Variants in ADAMTS2 observed in about 807,000 individuals in gnomAD.
ADAMTS2 encodes ADAM metallopeptidase with thrombospondin type 1 motif 2, also known as A disintegrin and metalloproteinase with thrombospondin motifs 2.
A neutral mutation model predicts 123.0 loss-of-function variants in ADAMTS2; 50 were observed. The ratio of observed to expected loss-of-function variants is 0.41; its 90% CI spans 0.32 to 0.51. The LOEUF (loss-of-function observed/expected upper bound fraction) is 0.51, where lower values mean the gene tolerates loss of function less well. Ranked by LOEUF, ADAMTS2 falls within the 20% of genes least tolerant of loss-of-function variation. ADAMTS2 has a pLI of 0.35. For synonymous variants in ADAMTS2, 678 were observed against 695.4 expected, an observed-to-expected ratio of 0.98 and a Z score of 0.39; for missense variants, 1,494 against 1,705.2, an observed-to-expected ratio of 0.88 and a Z score of 2.18.
At chr5:179,249,891 A>G (rs1765880456) in intron 3 of ADAMTS2, among the ~76,000 whole-genome samples, 1 of 152,224 alleles carries the variant, frequency 6.6e-6, no homozygotes, top group African/African-American at 2.4e-5. Flanking sequence ...AAACATCATA[A>G]GAAAACTACA....
chr5:179,137,720 C>CA, intron 12 of ADAMTS2, 49 bp downstream of exon 12: 2 of 1,515,216 alleles, frequency 1.3e-6, no homozygotes, highest in Non-Finnish European at 1.8e-6. Context: ...CCTGCCCACC[C>CA]TAGGGCCTGC....
chr5:179,218,801 A>G (rs466752), intron 3 of ADAMTS2, among the ~76,000 whole-genome samples: 95,057 of 152,072 alleles, frequency 0.63, 30,939 homozygotes, highest in African/African-American at 0.76. Context: ...AGCCTCAGCC[A>G]TGCTTCAGGG....
rs1260923745 is a variant in ADAMTS2 at position 179,158,568 on chromosome 5, G to A, written c.1132+155C>T. On this transcript the variant is annotated intron_variant, in intron 6 of 21. Transcript: ENST00000251582. The surrounding 1 kb of genome is among the most constrained non-coding windows in gnomAD (Gnocchi z 5.0). Reference sequence around the variant, plus strand: ...TCTAATGATGTATTTGTCCATCAGTGCACTGCCCCACACCCTCACCCAGCT... The same window carrying A: ...TCTAATGATGTATTTGTCCATCAGTACACTGCCCCACACCCTCACCCAGCT... Among the ~76,000 whole-genome samples, 1 of 152,190 alleles carries A rather than the reference G, an allele frequency of 6.6e-6. No homozygotes were observed. The highest frequency in any genetic ancestry group is 1.5e-5 in the Non-Finnish European group (1 of 68,028).
Position 179,164,545 on chromosome 5 carries a change from G to A in ADAMTS2, c.976-5666C>T, listed in dbSNP as rs147506225. On this transcript the variant is annotated intron_variant, in intron 5 of 21. Transcript: ENST00000251582. Reference sequence around the variant, plus strand: ...GGATTGGTAGCAAGGCAGAAGAGGCGGCGCGGGAAGGGGACGGCAAGTGCC... The same window carrying A: ...GGATTGGTAGCAAGGCAGAAGAGGCAGCGCGGGAAGGGGACGGCAAGTGCC... 9.1e-4 allele frequency among the ~76,000 whole-genome samples: 139 copies of A among 152,320 alleles called. 1 individual carries two copies. In the East Asian group the frequency reaches 0.026, roughly 28 times the overall value.
chr5:179,245,035 G>C (rs1203112575), intron 3 of ADAMTS2, among the ~76,000 whole-genome samples: 1 of 152,118 alleles, frequency 6.6e-6, no homozygotes, highest in Non-Finnish European at 1.5e-5. Flanking sequence ...TATATGTAAA[G>C]GAAAATTAAC....
rs1757873265 is a variant in ADAMTS2, at chr5:179,344,267, A to T, written c.140-106T>A. On this transcript the variant is annotated intron_variant, in intron 1 of 21. Transcript: ENST00000251582. ...CCAGACCCCGCCCCACTGCGAAGGG[A>T]AGGGGCATTCCGCCAGGCGACCCCA... The T allele has an allele frequency of 2.8e-6, 4 of 1,413,548 alleles. No individual in the cohort carries two copies. The South Asian group carries it at 3.8e-5, about 14-fold the overall frequency. The allele number at this position is 1,413,548 out of a possible 1,614,324, so 87.6% of individuals were successfully genotyped here. A position where few individuals can be genotyped will look rare whatever the true frequency, so the allele number is the denominator to read the frequency against.
chr5:179,177,795 C>T (rs527715409), intron 5 of ADAMTS2, among the ~76,000 whole-genome samples: 1 of 152,250 alleles, frequency 6.6e-6, no homozygotes, highest in East Asian at 1.9e-4. Flanking sequence ...GGCTTAGGGT[C>T]GGGATAATTT....
At position 179,345,300 on chromosome 5, in the gene ADAMTS2, C is replaced by T. The variant is rs1757917580; in HGVS notation, c.29G>A (p.Arg10His). Residue 10 changes from arginine (R) to histidine (H), a missense_variant, in exon 1 of 22, where the codon CGC becomes CAC. Coordinates refer to ENST00000251582, the MANE Select transcript of ADAMTS2 (RefSeq NM_014244.5). The surrounding 1 kb of genome is among the most constrained non-coding windows in gnomAD (Gnocchi z 7.5). MDPPAGAAR[R>H]LLCPALLLLL... The stretch of plus-strand genomic sequence containing the variant: ...CAGCAGCAGCGCGGGGCAGAGCAGG[C>T]GGCGAGCGGCTCCCGCCGGCGGATC... 3 of 1,137,948 alleles carry T rather than the reference C, an allele frequency of 2.6e-6. No individual in the cohort carries two copies. The highest frequency in any genetic ancestry group is 1.1e-6 in the Non-Finnish European group (1 of 929,262). 70.5% of individuals were successfully genotyped at this position (1,137,948 alleles called of 1,614,324 possible).
At position 179,317,586 on chromosome 5, in the gene ADAMTS2, A is replaced by C. The variant is rs958019791; in HGVS notation, c.534+26181T>G. ...CCTGCTGCCCAGACCATGGGTGGCC[A>C]GCAGCACTGCAGTGTTGGTGTAATC... On this transcript the variant is annotated intron_variant, in intron 2 of 21. Coordinates refer to ENST00000251582, the MANE Select transcript of ADAMTS2 (RefSeq NM_014244.5). This position sits in a 1 kb window ranked among gnomAD's most constrained non-coding sequence, Gnocchi z 4.9. 3.3e-5 allele frequency among the ~76,000 whole-genome samples: 5 copies of C among 152,194 alleles called. No homozygotes were observed. Among genetic ancestry groups the C allele is most frequent in the African/African-American group, 7.2e-5 (3 of 41,452 alleles).
chr5:179,243,562 A>G (rs1238512484), intron 3 of ADAMTS2, among the ~76,000 whole-genome samples: 1 of 152,200 alleles, frequency 6.6e-6, no homozygotes, highest in Non-Finnish European at 1.5e-5. Flanking sequence ...AACTGCAAAC[A>G]GCCTCAGAGA....
rs371414227 is a variant in ADAMTS2, at chr5:179,175,892, G to A, written c.975+5180C>T. ...CCCCAGAGCAGGTTCAGCAGGCTGC[G>A]GATCTGCTGAGCAAGAAGCTTCCGT... On this transcript the variant is annotated intron_variant, in intron 5 of 21. Transcript: ENST00000251582. The surrounding 1 kb of genome is among the most constrained non-coding windows in gnomAD (Gnocchi z 4.1). Among the ~76,000 whole-genome samples the A allele has an allele frequency of 3.9e-5, 6 of 151,984 alleles. No individual in the cohort carries two copies. Among genetic ancestry groups the A allele is most frequent in the African/African-American group, 1.2e-4 (5 of 41,466 alleles).
intron 2 of ADAMTS2, among the ~76,000 whole-genome samples, chr5:179,293,789 T>C (rs1196951908): frequency 6.6e-6 from 1 of 151,888 alleles, no homozygotes; most frequent in Non-Finnish European, 1.5e-5. Flanking sequence ...AAATTTTTTT[T>C]TTTTTTGTAT....
At position 179,185,936 on chromosome 5, in the gene ADAMTS2, C is replaced by T. The variant is rs1209976091; in HGVS notation, c.892-4781G>A. On this transcript the variant is annotated intron_variant, in intron 4 of 21. Transcript: ENST00000251582. This position sits in a 1 kb window ranked among gnomAD's most constrained non-coding sequence, Gnocchi z 5.9. ...GTAGCCAGGGAGAAGGAGGCCAGGC[C>T]GCAGCCAAGGCCCCCTCAGCCCTCC... Among the ~76,000 whole-genome samples, 1 of 152,022 alleles carries T rather than the reference C, an allele frequency of 6.6e-6. No individual in the cohort carries two copies. Among genetic ancestry groups the T allele is most frequent in the Non-Finnish European group, 1.5e-5 (1 of 67,990 alleles).
Position 179,188,202 on chromosome 5 carries a change from G to A in ADAMTS2, c.892-7047C>T, listed in dbSNP as rs1204571197. Among the ~76,000 whole-genome samples, 2 of 152,214 alleles carry A rather than the reference G, an allele frequency of 1.3e-5. No homozygotes were observed. The highest frequency in any genetic ancestry group is 2.4e-5 in the African/African-American group (1 of 41,456). The stretch of plus-strand genomic sequence containing the variant: ...AGCTTTGGGCCACCAGAGGCAGCCT[G>A]TGGCCCACCTGGCAAAACCATGTCC... On this transcript the variant is annotated intron_variant, in intron 4 of 21. Coordinates refer to ENST00000251582, the MANE Select transcript of ADAMTS2 (RefSeq NM_014244.5). The surrounding 1 kb of genome is among the most constrained non-coding windows in gnomAD (Gnocchi z 5.1).
chr5:179,303,442 G>A lies in ADAMTS2; in HGVS notation c.535-30378C>T, dbSNP rs1056084536. 2.0e-5 allele frequency among the ~76,000 whole-genome samples: 3 copies of A among 152,132 alleles called. No individual in the cohort carries two copies. The highest frequency in any genetic ancestry group is 7.2e-5 in the African/African-American group (3 of 41,406). The stretch of plus-strand genomic sequence containing the variant: ...GCATGCAGATTGGGGAAGAAGACTA[G>A]AATGTGAGGTTCAGCAAACCCGCAG... On this transcript the variant is annotated intron_variant, in intron 2 of 21. Transcript: ENST00000251582. The surrounding 1 kb of genome is among the most constrained non-coding windows in gnomAD (Gnocchi z 4.7).
At chr5:179,237,573 C>T (rs563513277) in intron 3 of ADAMTS2, among the ~76,000 whole-genome samples, 12 of 152,168 alleles carry the variant, frequency 7.9e-5, no homozygotes, top group African/African-American at 2.7e-4. Context: ...TGGATCCAGT[C>T]GCGTCAGTTA....
At chr5:179,138,094 T>A in intron 11 of ADAMTS2, 150 bp from the exon 12 acceptor site, 2 of 885,492 alleles carry the variant, frequency 2.3e-6, no homozygotes, top group African/African-American at 3.3e-5. Flanking sequence ...CCCTGCCATG[T>A]CCTAGCTGTA....
chr5:179,238,727 G>A (rs1765592063), intron 3 of ADAMTS2, among the ~76,000 whole-genome samples: 1 of 152,194 alleles, frequency 6.6e-6, no homozygotes, highest in Non-Finnish European at 1.5e-5. Context: ...CCCAGGGCGA[G>A]GCGCTGGGTC....
rs1240304180 is a variant in ADAMTS2 at position 179,307,233 on chromosome 5, C to T, written c.535-34169G>A. ...CCCTGCTGTGCTCCGCCATCTGCCC[C>T]AGCAGTGCTGTGAGAGCATCGCACC... On this transcript the variant is annotated intron_variant, in intron 2 of 21. Coordinates refer to ENST00000251582, the MANE Select transcript of ADAMTS2 (RefSeq NM_014244.5). The surrounding 1 kb of genome is among the most constrained non-coding windows in gnomAD (Gnocchi z 5.6). 1.3e-5 allele frequency among the ~76,000 whole-genome samples: 2 copies of T among 152,160 alleles called. No individual in the cohort carries two copies. Among genetic ancestry groups the T allele is most frequent in the Non-Finnish European group, 2.9e-5 (2 of 68,018 alleles).
Sources: allele counts gnomAD v4.1 joint callset (sites outside exome capture counted in the v4.1 genomes callset), GRCh38; gene constraint gnomAD v4.1.1; non-coding constraint Gnocchi (gnomAD v3.1); transcripts MANE v1.5; gene names NCBI Gene and HGNC (gene_info 2026-07-23, HGNC 2026-07-21).